The following FRYL variants were observed in gnomAD, a reference collection of about 807,000 sequenced individuals.
FRYL encodes the protein FRY like transcription coactivator.
A neutral mutation model predicts 351.2 loss-of-function variants in FRYL; 150 were observed. That is an observed-to-expected ratio of 0.43 (90% confidence interval 0.37 to 0.49). FRYL has a LOEUF of 0.49. Ranked by LOEUF, FRYL falls within the 20% of genes least tolerant of loss-of-function variation. The pLI is 0.00. For synonymous variants in FRYL, 1,153 were observed against 1,257.1 expected (o/e 0.92, Z 1.75); for missense variants, 3,036 against 3,619.3 (o/e 0.84, Z 4.13).
intron 4 of FRYL, among the ~76,000 whole-genome samples, chr4:48,633,686 T>C (rs557857150): frequency 6.6e-6 from 1 of 152,286 alleles, no homozygotes; most frequent in East Asian, 1.9e-4. Context: ...TTCTATTGAT[T>C]TTACTTCTGT....
rs185765507 is a variant in FRYL at position 48,717,219 on chromosome 4, A to G, written c.-383-6521T>C. 3.3e-5 allele frequency among the ~76,000 whole-genome samples: 5 copies of G among 151,262 alleles called. No homozygotes were observed. In the South Asian group the frequency reaches 8.4e-4, roughly 25 times the overall value. ...GTGCACCAGCATGGCACATGTATAC[A>G]TATGTAACTAACCTGCACATTGTGC... On this transcript the variant is annotated intron_variant, in intron 1 of 63. Transcript: ENST00000358350.
chr4:48,508,558 T>G (rs559960325), intron 59 of FRYL, among the ~76,000 whole-genome samples: 1 of 152,346 alleles, frequency 6.6e-6, no homozygotes, highest in South Asian at 2.1e-4. Flanking sequence ...ACTTAATGGC[T>G]TCAAACAACC....
chr4:48,671,332 ATTTGGCAGTAGC>A (rs1762630799), intron 3 of FRYL, among the ~76,000 whole-genome samples: 1 of 152,166 alleles, frequency 6.6e-6, no homozygotes. Context: ...TCACACAATC[ATTTGGCAGTAGC>A]TATATGGAAG....
intron 59 of FRYL, 64 bp from the exon 60 acceptor site, chr4:48,505,679 A>G (rs1433597345): frequency 1.0e-6 from 1 of 970,440 alleles, no homozygotes; most frequent in Non-Finnish European, 1.6e-6. Flanking sequence ...CAGCCTGTCC[A>G]TATACAACAC....
At chr4:48,646,654 G>A (rs1578506325) in intron 3 of FRYL, among the ~76,000 whole-genome samples, 1 of 152,132 alleles carries the variant, frequency 6.6e-6, no homozygotes, top group South Asian at 2.1e-4. Flanking sequence ...AGTGGAATAG[G>A]CCAGAACCCA....
Position 48,528,271 on chromosome 4 carries a change from T to A in FRYL, c.6969A>T (p.Lys2323Asn). ...AAGTACTTCTAGTGACAGCAATAAC[T>A]TTTGGTTTCCCATTTCTTCCAGCCG... ...HSAAGRNGKP[K>N]VIAVTRSTSS... Residue 2323 changes from lysine to asparagine, a missense_variant, in exon 51 of 64, where the codon AAA (lysine) becomes AAT (asparagine). Lys to Asn is a moderately conservative substitution (Grantham distance 94). Coordinates refer to ENST00000358350, the MANE Select transcript of FRYL (RefSeq NM_015030.2). The A allele has an allele frequency of 6.2e-7, 1 of 1,613,352 alleles. No homozygotes were observed. Among genetic ancestry groups the A allele is most frequent in the Non-Finnish European group, 8.5e-7 (1 of 1,179,494 alleles).
Position 48,673,579 on chromosome 4 carries a change from T to C in FRYL, c.-81+11094A>G, listed in dbSNP as rs188535175. On this transcript the variant is annotated intron_variant, in intron 3 of 63. Transcript: ENST00000358350. The stretch of plus-strand genomic sequence containing the variant: ...ACACACTAGTCTTTTAAAAAAAAAA[T>C]ACTGTATACCTAAAGATTCAAAAAC... Among the ~76,000 whole-genome samples the C allele has an allele frequency of 3.3e-5, 5 of 152,100 alleles. No individual in the cohort carries two copies. In the East Asian group the frequency reaches 5.8e-4, roughly 18 times the overall value.
At position 48,561,672 on chromosome 4, in the gene FRYL, T is replaced by C. The variant is rs1735526447; in HGVS notation, c.3697-36A>G. The C allele has an allele frequency of 2.0e-6, 3 of 1,503,604 alleles. 1 individual carries two copies. In the South Asian group the frequency reaches 3.8e-5, roughly 19 times the overall value. 93.1% of individuals were successfully genotyped at this position (1,503,604 alleles called of 1,614,324 possible). On this transcript the variant is annotated intron_variant, in intron 32 of 63. Transcript: ENST00000358350. ...GTGATTCCATCAACTTAGGTTAAGA[T>C]TTTATGGGTTCTCTAAAGTTTAACT...
intron 2 of FRYL, among the ~76,000 whole-genome samples, chr4:48,698,501 T>G (rs555185192): frequency 2.0e-5 from 3 of 152,224 alleles, no homozygotes; most frequent in Admixed American, 6.5e-5. Context: ...AGTGGTTATC[T>G]TGGTATTGCC....
At chr4:48,740,603 A>AT (rs944951143) in intron 1 of FRYL, among the ~76,000 whole-genome samples, 4 of 151,996 alleles carry the variant, frequency 2.6e-5, no homozygotes, top group Non-Finnish European at 5.9e-5. Flanking sequence ...CCACAACCTG[A>AT]TTTTTTTAAA....
At chr4:48,652,234 T>A (rs1306009124) in intron 3 of FRYL, among the ~76,000 whole-genome samples, 1 of 152,240 alleles carries the variant, frequency 6.6e-6, no homozygotes, top group Non-Finnish European at 1.5e-5. Context: ...CAAGACAAGC[T>A]GCTGTGATAT....
intron 18 of FRYL, among the ~76,000 whole-genome samples, chr4:48,588,173 T>G (rs961199578): frequency 3.9e-5 from 6 of 152,152 alleles, no homozygotes; most frequent in Admixed American, 2.0e-4. Context: ...CCTCCTGGTC[T>G]CCCAGGATAA....
At chr4:48,632,606 A>G (rs971660478) in intron 4 of FRYL, among the ~76,000 whole-genome samples, 3 of 151,218 alleles carry the variant, frequency 2.0e-5, no homozygotes, top group Admixed American at 6.6e-5. Context: ...CACAAAAAAT[A>G]TATATACATT....
intron 13 of FRYL, among the ~76,000 whole-genome samples, chr4:48,598,001 CAA>C (rs1744947716): frequency 6.6e-6 from 1 of 152,078 alleles, no homozygotes; most frequent in Non-Finnish European, 1.5e-5. Flanking sequence ...TAATATAAAA[CAA>C]AATTTTGGTA....
At chr4:48,568,212 T>C (rs1315320849) in intron 27 of FRYL, among the ~76,000 whole-genome samples, 1 of 152,208 alleles carries the variant, frequency 6.6e-6, no homozygotes. Context: ...ATCTAGTCAC[T>C]GCATTCCCGC....
intron 2 of FRYL, among the ~76,000 whole-genome samples, chr4:48,699,680 T>C (rs1766536435): frequency 6.6e-6 from 1 of 152,134 alleles, no homozygotes; most frequent in Admixed American, 6.6e-5. Context: ...GCCCTACCTG[T>C]GGTTTAACAT....
intron 63 of FRYL, among the ~76,000 whole-genome samples, 170 bp downstream of exon 63, chr4:48,499,856 AAAGT>A (rs1560492021): frequency 2.0e-5 from 3 of 152,218 alleles, no homozygotes; most frequent in Non-Finnish European, 4.4e-5. Context: ...GTACCATCTG[AAAGT>A]GAAAAGAAAT....
chr4:48,702,920 T>G (rs1397356535), intron 2 of FRYL, among the ~76,000 whole-genome samples: 2 of 152,120 alleles, frequency 1.3e-5, no homozygotes, highest in Non-Finnish European at 2.9e-5. Flanking sequence ...AAAATTAATC[T>G]TGGGATCTAA....
At chr4:48,758,421 G>A (rs1306747268) in intron 1 of FRYL, among the ~76,000 whole-genome samples, 1 of 152,082 alleles carries the variant, frequency 6.6e-6, no homozygotes, top group Non-Finnish European at 1.5e-5. Flanking sequence ...GTGGGCAAAG[G>A]ATATGAACAG....
Sources: allele counts gnomAD v4.1 joint callset (sites outside exome capture counted in the v4.1 genomes callset), GRCh38; gene constraint gnomAD v4.1.1; transcripts MANE v1.5; gene names NCBI Gene and HGNC (gene_info 2026-07-23, HGNC 2026-07-21).